The following MAML3 variants were observed in gnomAD, a reference collection of about 807,000 sequenced individuals.
MAML3 encodes mastermind-like protein 3.
In MAML3, 27 loss-of-function variants were observed where a neutral mutation model predicts 101.9. The observed-to-expected ratio is 0.27, with a 90% CI of 0.20 to 0.37. The LOEUF is 0.37. MAML3 is among the 10% of genes least tolerant of loss of function. The probability of loss-of-function intolerance (pLI) is 1.00; values close to 1 mark genes in which losing one functional copy is unlikely to be tolerated. For synonymous variants in MAML3, 501 were observed against 555.9 expected (o/e 0.90, Z 1.39); for missense variants, 1,316 against 1,444.9 (o/e 0.91, Z 1.45).
intron 2 of MAML3, 55 bp from the exon 3 acceptor site, chr4:139,730,722 G>A (rs1181342269): frequency 2.0e-6 from 3 of 1,508,282 alleles, no homozygotes; most frequent in South Asian, 1.2e-5. Flanking sequence ...ACTCACTGCT[G>A]TTTGAAGGGA....
At chr4:139,772,084 C>CA (rs749853781) in intron 2 of MAML3, among the ~76,000 whole-genome samples, 126 of 149,844 alleles carry the variant, frequency 8.4e-4, no homozygotes, top group East Asian at 1.6e-3. Flanking sequence ...ACTAAAAATA[C>CA]AAAAAATTAG....
At chr4:140,047,754 G>A (rs1727205800) in intron 1 of MAML3, among the ~76,000 whole-genome samples, 1 of 130,054 alleles carries the variant, frequency 7.7e-6, no homozygotes, top group Non-Finnish European at 1.5e-5. Flanking sequence ...AGATGGACGC[G>A]CTGCTCAGAT....
At chr4:140,081,998 T>C (rs1217954782) in intron 1 of MAML3, among the ~76,000 whole-genome samples, 1 of 152,182 alleles carries the variant, frequency 6.6e-6, no homozygotes, top group South Asian at 2.1e-4. Context: ...ATAGGATCCA[T>C]AGCACCACCA....
At chr4:140,006,595 A>G (rs1226296560) in intron 1 of MAML3, among the ~76,000 whole-genome samples, 1 of 151,512 alleles carries the variant, frequency 6.6e-6, no homozygotes, top group African/African-American at 2.4e-5. Flanking sequence ...CAAAAAAAAA[A>G]AAAAAAAAGT....
intron 1 of MAML3, among the ~76,000 whole-genome samples, chr4:139,971,074 TCA>T (rs1234147708): frequency 2.0e-5 from 3 of 152,218 alleles, no homozygotes; most frequent in African/African-American, 7.2e-5. Context: ...GGGGTTAGTT[TCA>T]CATTCTTTTC....
chr4:139,829,334 G>A (rs1411959828), intron 2 of MAML3, among the ~76,000 whole-genome samples: 3 of 152,228 alleles, frequency 2.0e-5, no homozygotes, highest in East Asian at 1.9e-4. Flanking sequence ...TTAAAGGACT[G>A]AGGACTAGTA....
Position 139,871,759 on chromosome 4 carries a change from C to G in MAML3, c.2079+17598G>C, listed in dbSNP as rs546095144. On this transcript the variant is annotated intron_variant, in intron 2 of 4. Coordinates refer to ENST00000509479, the MANE Select transcript of MAML3 (RefSeq NM_018717.5). The stretch of plus-strand genomic sequence containing the variant: ...CTTCGCAACCCAGTTTCCCTACTCC[C>G]CTTTCTGATCAACAGTCCATTAAAA... Among the ~76,000 whole-genome samples the G allele has an allele frequency of 1.2e-3, 188 of 152,286 alleles. 1 individual carries two copies. Among genetic ancestry groups the G allele is most frequent in the African/African-American group, 4.3e-3 (180 of 41,560 alleles).
intron 2 of MAML3, among the ~76,000 whole-genome samples, chr4:139,884,723 G>T (rs1320012239): frequency 6.6e-6 from 1 of 152,188 alleles, no homozygotes; most frequent in Non-Finnish European, 1.5e-5. Context: ...TTCTAGACTT[G>T]CCTTTTCAGC....
At chr4:140,020,901 T>G (rs934541788) in intron 1 of MAML3, among the ~76,000 whole-genome samples, 5 of 152,192 alleles carry the variant, frequency 3.3e-5, no homozygotes, top group Non-Finnish European at 7.3e-5. Context: ...TTACCTAAGT[T>G]TGTGCTTGGG....
intron 1 of MAML3, among the ~76,000 whole-genome samples, chr4:139,967,469 G>GACACACAC (rs4057112): frequency 0.048 from 6,841 of 141,448 alleles, 188 homozygotes; most frequent in Non-Finnish European, 0.068. Flanking sequence ...CTTTTTAAGG[G>GACACACAC]ACACACACAC....
At chr4:139,897,862 G>C (rs1531069) in intron 1 of MAML3, among the ~76,000 whole-genome samples, 116,480 of 152,046 alleles carry the variant, frequency 0.77, 45,041 homozygotes, top group Non-Finnish European at 0.84. Context: ...CATCTTCCCC[G>C]ACTTACCCCG....
intron 1 of MAML3, among the ~76,000 whole-genome samples, chr4:140,130,867 C>G (rs901453039): frequency 6.6e-6 from 1 of 152,238 alleles, no homozygotes; most frequent in South Asian, 2.1e-4. Flanking sequence ...AGTTGCTCAC[C>G]ACCCAGCGCT....
chr4:140,140,854 C>T (rs1728968746), intron 1 of MAML3, among the ~76,000 whole-genome samples: 1 of 152,036 alleles, frequency 6.6e-6, no homozygotes, highest in African/African-American at 2.4e-5. Context: ...ACATTCAAGG[C>T]CAGGGGTATG....
intron 1 of MAML3, among the ~76,000 whole-genome samples, chr4:140,043,906 A>G (rs1011730711): frequency 6.6e-6 from 1 of 152,220 alleles, no homozygotes. Flanking sequence ...CATCACTGTT[A>G]ATACCAGGAA....
intron 2 of MAML3, among the ~76,000 whole-genome samples, chr4:139,780,954 G>T (rs1730193362): frequency 6.6e-6 from 1 of 152,194 alleles, no homozygotes; most frequent in East Asian, 1.9e-4. Flanking sequence ...TGACGGCAAA[G>T]AATTACACAG....
At chr4:139,845,507 T>G (rs1731427517) in intron 2 of MAML3, among the ~76,000 whole-genome samples, 1 of 152,108 alleles carries the variant, frequency 6.6e-6, no homozygotes, top group Non-Finnish European at 1.5e-5. Context: ...TGTCAGAGAG[T>G]TTTGATAAAT....
intron 1 of MAML3, among the ~76,000 whole-genome samples, chr4:140,058,313 A>G (rs888382900): frequency 6.6e-6 from 1 of 151,910 alleles, no homozygotes; most frequent in Non-Finnish European, 1.5e-5. Flanking sequence ...GCTGGTCTCA[A>G]ACTCCTGGGC....
At chr4:140,084,241 C>T (rs1339039432) in intron 1 of MAML3, among the ~76,000 whole-genome samples, 2 of 152,220 alleles carry the variant, frequency 1.3e-5, no homozygotes, top group Admixed American at 6.5e-5. Flanking sequence ...GGGCCGATGA[C>T]TACTCAGGGA....
chr4:139,853,630 A>G (rs1379649803), intron 2 of MAML3, among the ~76,000 whole-genome samples: 2 of 152,134 alleles, frequency 1.3e-5, no homozygotes, highest in Non-Finnish European at 2.9e-5. Flanking sequence ...AGCTGATAAT[A>G]ACACCTCAGT....
Sources: allele counts gnomAD v4.1 joint callset (sites outside exome capture counted in the v4.1 genomes callset), GRCh38; gene constraint gnomAD v4.1.1; transcripts MANE v1.5; gene names NCBI Gene and HGNC (gene_info 2026-07-23, HGNC 2026-07-21).